POLG2: variants seen among roughly 807,000 people sequenced by gnomAD.
POLG2 encodes the protein DNA polymerase subunit gamma-2.
In POLG2, 50 loss-of-function variants were observed where a neutral mutation model predicts 56.5. That is an observed-to-expected ratio of 0.88 (90% CI 0.71 to 1.12). POLG2 has a LOEUF of 1.12. POLG2 is among the 50% of genes most tolerant of loss of function. The probability of loss-of-function intolerance (pLI) is 0.00; values close to 1 mark genes in which losing one functional copy is unlikely to be tolerated. For missense variants in POLG2, 584 were observed against 583.3 expected (o/e 1.00, Z -0.01); for synonymous variants, 226 against 222.6 (o/e 1.02, Z -0.14).
Position 64,496,856 on chromosome 17 carries a change from C to A in POLG2, c.113G>T (p.Ser38Ile), listed in dbSNP as rs1370398432. Reference protein sequence around the residue: ...GQPELLTERSSPKGGHVKSHA... With the variant: ...GQPELLTERSIPKGGHVKSHA... ...CGACTTCACATGCCCTCCTTTGGGG[C>A]TACTCCTTTCCGTCAACAGCTCCGG... is the stretch of plus-strand genomic sequence containing the variant. The change falls in exon 1 of 8, where the codon AGC becomes ATC. Residue 38 changes from serine (S) to isoleucine (I), a missense_variant. Transcript: ENST00000539111. 1.2e-6 allele frequency: 2 copies of A among 1,613,736 alleles called. No homozygotes were observed. The highest frequency in any genetic ancestry group is 8.5e-7 in the Non-Finnish European group (1 of 1,180,052).
Position 64,496,664 on chromosome 17 carries a change from A to C in POLG2, c.305T>G (p.Leu102Trp). ...LSGCHPGFGP[L>W]GVELRKNLAA... ...CAGGTTCTTCCGCAACTCTACGCCC[A>C]AGGGTCCGAAGCCGGGGTGGCACCC... Residue 102 changes from leucine (L) to tryptophan (W), a missense_variant, in exon 1 of 8, where the codon TTG becomes TGG. Leu to Trp is a moderately conservative substitution (Grantham distance 61). Transcript: ENST00000539111. 1 of 1,613,898 alleles carries C rather than the reference A, an allele frequency of 6.2e-7. No individual in the cohort carries two copies. Among genetic ancestry groups the C allele is most frequent in the South Asian group, 1.1e-5 (1 of 91,064 alleles).
chr17:64,478,637 C>T (rs530647390), intron 7 of POLG2, among the ~76,000 whole-genome samples: 1 of 152,218 alleles, frequency 6.6e-6, no homozygotes, highest in East Asian at 1.9e-4. Flanking sequence ...GTGACTCATG[C>T]CTGTAATCCC....
In POLG2 at chr17:64,477,805, T is replaced by C; in HGVS notation, c.*18A>G. On this transcript the variant is annotated 3_prime_UTR_variant, in exon 8 of 8. Transcript: ENST00000539111. Reference sequence around the variant, plus strand: ...CCAAATTAGGAGAGAAGAATATTTATTATACAAATATAAAAATCTATACAT... The same window carrying C: ...CCAAATTAGGAGAGAAGAATATTTACTATACAAATATAAAAATCTATACAT... 1.9e-6 allele frequency: 3 copies of C among 1,549,406 alleles called. No homozygotes were observed. The highest frequency in any genetic ancestry group is 1.7e-6 in the Non-Finnish European group (2 of 1,150,578).
chr17:64,480,742 C>G (rs2037843646), intron 6 of POLG2, among the ~76,000 whole-genome samples: 2 of 152,138 alleles, frequency 1.3e-5, no homozygotes, highest in African/African-American at 2.4e-5. Context: ...TGTATGAACT[C>G]AGAGCCCTCA....
At chr17:64,493,045 T>C in intron 1 of POLG2, 24 bp from the exon 2 acceptor site, 1 of 1,613,374 alleles carries the variant, frequency 6.2e-7, no homozygotes, top group Non-Finnish European at 8.5e-7. Context: ...AATCAATCAT[T>C]GTATACATCT....
intron 6 of POLG2, chr17:64,481,574 T>TA (rs1244819226): frequency 3.6e-6 from 1 of 276,018 alleles, no homozygotes; most frequent in African/African-American, 2.3e-5. Flanking sequence ...CCAAAAGTGT[T>TA]AAGTTCAAAG....
chr17:64,480,303 T>C lies in POLG2; in HGVS notation c.1278A>G (p.Glu426=), dbSNP rs782377410. The C allele has an allele frequency of 4.5e-6, 7 of 1,547,988 alleles. No individual in the cohort carries two copies. The highest frequency in any genetic ancestry group is 6.2e-6 in the Non-Finnish European group (7 of 1,123,642). ...GYLETMQSSL[E]QLYSKYDEMS... ...ACAATTCTTACTTCGAATAAAGTTG[T>C]TCCAATGAGGACTGCATAGTTTCCA... Residue 426 remains glutamate (E), a synonymous_variant, in exon 7 of 8, where the codon GAA becomes GAG. Transcript: ENST00000539111.
intron 4 of POLG2, among the ~76,000 whole-genome samples, chr17:64,489,352 G>GT (rs59334309): frequency 0.23 from 31,349 of 133,428 alleles, 6,410 homozygotes; most frequent in African/African-American, 0.56. Context: ...GATGGAATTT[G>GT]TTTTTTTTTA....
Position 64,478,065 on chromosome 17 carries a change from CA to C in POLG2, c.1293-78del, listed in dbSNP as rs782551910. On this transcript the variant is annotated intron_variant, in intron 7 of 7. Transcript: ENST00000539111. ...TTCCTCCACGTTGCCAGCTGTAATT[CA>C]GTGTTCATGCACTCTCAAGAGTCAC... The C allele has an allele frequency of 1.8e-4, 270 of 1,465,066 alleles. 1 individual carries two copies. Among genetic ancestry groups the C allele is most frequent in the Non-Finnish European group, 2.3e-4 (246 of 1,048,892 alleles). 90.8% of individuals were successfully genotyped at this position (1,465,066 alleles called of 1,614,324 possible).
At chr17:64,483,361 C>CA (rs200906044) in intron 5 of POLG2, among the ~76,000 whole-genome samples, 3,808 of 151,728 alleles carry the variant, frequency 0.025, 167 homozygotes, top group African/African-American at 0.088. Flanking sequence ...CAAAAAAATA[C>CA]AAAAAAATTA....
chr17:64,479,154 T>C (rs1403306747), intron 7 of POLG2, among the ~76,000 whole-genome samples: 1 of 151,408 alleles, frequency 6.6e-6, no homozygotes, highest in African/African-American at 2.4e-5. Context: ...TATAGAAAAC[T>C]ACTTTTCTTT....
Position 64,496,589 on chromosome 17 carries a change from G to A in POLG2, c.380C>T (p.Pro127Leu), listed in dbSNP as rs1555669556. The A allele has an allele frequency of 6.2e-7, 1 of 1,613,478 alleles. No homozygotes were observed. Among genetic ancestry groups the A allele is most frequent in the South Asian group, 1.1e-5 (1 of 91,038 alleles). ...SVVVFREQVFPVDALHHKPGP... is the reference protein window; with the variant it reads ...SVVVFREQVFLVDALHHKPGP... ...TGGTTTGTGGTGGAGGGCGTCCACCGGGAATACCTGCTCCCTGAACACCAC... is the reference window on the plus strand; with the variant it reads ...TGGTTTGTGGTGGAGGGCGTCCACCAGGAATACCTGCTCCCTGAACACCAC... The change falls in exon 1 of 8, where the codon CCG becomes CTG. Residue 127 changes from proline to leucine, a missense_variant. Physicochemically the swap from Pro to Leu is moderately conservative, Grantham distance 98. Coordinates refer to ENST00000539111, the MANE Select transcript of POLG2 (RefSeq NM_007215.4).
intron 3 of POLG2, among the ~76,000 whole-genome samples, chr17:64,491,332 C>T (rs1568089150): frequency 6.6e-6 from 1 of 152,158 alleles, no homozygotes; most frequent in Non-Finnish European, 1.5e-5. Context: ...CAGTGGCTCA[C>T]GCCTGTTATG....
intron 1 of POLG2, among the ~76,000 whole-genome samples, chr17:64,495,827 G>A (rs893938344): frequency 7.2e-5 from 11 of 151,990 alleles, no homozygotes; most frequent in African/African-American, 2.7e-4. Context: ...TCCTGCCTCA[G>A]CCTCCCAAGT....
chr17:64,496,193 T>TTCGGACAGATTGTTTAAGGAACAGCA (rs2038147527), intron 1 of POLG2, among the ~76,000 whole-genome samples: 1 of 152,184 alleles, frequency 6.6e-6, no homozygotes, highest in African/African-American at 2.4e-5. Flanking sequence ...TCCCAGGTCC[T>TTCGGACAGATTGTTTAAGGAACAGCA]TCGGACAGAT....
rs2144142235 is a variant in POLG2 at position 64,482,988 on chromosome 17, A to G, written c.1122T>C (p.Leu374=). 1 of 1,596,582 alleles carries G rather than the reference A, an allele frequency of 6.3e-7. No individual in the cohort carries two copies. Among genetic ancestry groups the G allele is most frequent in the South Asian group, 1.1e-5 (1 of 90,578 alleles). The change falls in exon 6 of 8, where the codon CTT becomes CTC. Residue 374 remains leucine, a synonymous_variant. Coordinates refer to ENST00000539111, the MANE Select transcript of POLG2 (RefSeq NM_007215.4). ...KKNLHRKVLK[L]HPCLAPIKVA... is the part of the protein sequence containing the mutation. ...CCTTAATAGGGGCTAAACAAGGGTG[A>G]AGTTTAAGTACCTAAGGCAATTAAA...
At chr17:64,486,335 CAGAG>C (rs1334708425) in intron 4 of POLG2, among the ~76,000 whole-genome samples, 1,761 of 150,730 alleles carry the variant, frequency 0.012, 31 homozygotes, top group Non-Finnish European at 0.02. Context: ...CTTCCGAGCT[CAGAG>C]TTAGTATTCA....
At position 64,490,842 on chromosome 17, in the gene POLG2, T is replaced by A. The variant is rs782422426; in HGVS notation, c.923A>T (p.Asp308Val). 15 of 1,613,758 alleles carry A rather than the reference T, an allele frequency of 9.3e-6. No individual in the cohort carries two copies. The highest frequency in any genetic ancestry group is 1.2e-5 in the Non-Finnish European group (14 of 1,179,648). The part of the protein sequence containing the change: ...ELIETLWNLG[D>V]HELLHMYPGN... ...AGGATACATGTGTAAAAGTTCGTGA[T>A]CTCCTAGGTTCCACAGGGTTTCTAT... The change falls in exon 4 of 8, where the codon GAT becomes GTT. Residue 308 changes from aspartate to valine, a missense_variant. Physicochemically the swap from Asp to Val is radical, Grantham distance 152. Transcript: ENST00000539111.
At position 64,493,125 on chromosome 17, in the gene POLG2, A is replaced by T; in HGVS notation, c.563-104T>A. ...TAGTAATAACGTTAACACAGCATAA[A>T]GACAGATGTTGGCTAAGCTTGGTGG... On this transcript the variant is annotated intron_variant, in intron 1 of 7. Coordinates refer to ENST00000539111, the MANE Select transcript of POLG2 (RefSeq NM_007215.4). 2.3e-6 allele frequency: 3 copies of T among 1,280,922 alleles called. No individual in the cohort carries two copies. In the African/African-American group the frequency reaches 4.3e-5, roughly 19 times the overall value. 79.3% of individuals were successfully genotyped at this position (1,280,922 alleles called of 1,614,324 possible).
Sources: allele counts gnomAD v4.1 joint callset (sites outside exome capture counted in the v4.1 genomes callset), GRCh38; gene constraint gnomAD v4.1.1; transcripts MANE v1.5; gene names NCBI Gene and HGNC (gene_info 2026-07-23, HGNC 2026-07-21).